PDXDC1: variants seen among roughly 807,000 people sequenced by gnomAD.
The protein encoded by PDXDC1 is pyridoxal-dependent decarboxylase domain-containing protein 1.
In PDXDC1, 42 loss-of-function variants were observed where a neutral mutation model predicts 100.1. That is an observed-to-expected ratio of 0.42 (90% CI 0.33 to 0.54). PDXDC1 has a LOEUF of 0.54. PDXDC1 is among the 20% of genes least tolerant of loss of function. The pLI, the probability that PDXDC1 is intolerant of heterozygous loss-of-function variation, is 0.10. For missense variants in PDXDC1, 636 were observed against 979.2 expected (o/e 0.65, Z 4.68); for synonymous variants, 260 against 371.7 (o/e 0.70, Z 3.46).
At chr16:15,043,332 G>A (rs148979500), downstream of PDXDC1, among the ~76,000 whole-genome samples, 293 of 152,292 alleles carry the variant, frequency 1.9e-3, no homozygotes, top group African/African-American at 5.0e-3. Flanking sequence ...CACCGTGCCC[G>A]GCCGGATATG....
At chr16:15,089,401 TGAG>T (rs1236146969) in intron 16 of PDXDC1, among the ~76,000 whole-genome samples, 5 of 151,808 alleles carry the variant, frequency 3.3e-5, no homozygotes, top group African/African-American at 1.2e-4. Flanking sequence ...TGAAGGGAGA[TGAG>T]GAGATCACAC....
At chr16:15,021,681 C>T (rs2042221114) in intron 12 of PDXDC1, among the ~76,000 whole-genome samples, 1 of 152,298 alleles carries the variant, frequency 6.6e-6, no homozygotes, top group South Asian at 2.1e-4. Flanking sequence ...TGCTGTCCTG[C>T]TGCTGACTCA....
chr16:15,134,035 G>C (rs1311459895), intron 16 of PDXDC1: 2 of 1,556,198 alleles, frequency 1.3e-6, no homozygotes, highest in African/African-American at 1.3e-5. Context: ...GTCTCATCCA[G>C]CACCAGTGTC....
At chr16:15,063,566 G>A (rs2044811788) in intron 16 of PDXDC1, among the ~76,000 whole-genome samples, 1 of 151,760 alleles carries the variant, frequency 6.6e-6, no homozygotes, top group Non-Finnish European at 1.5e-5. Context: ...AAATTAGCCG[G>A]GTGTGGTGGC....
intron 1 of PDXDC1, among the ~76,000 whole-genome samples, chr16:14,977,990 T>C (rs1967078932): frequency 6.6e-6 from 1 of 152,194 alleles, no homozygotes; most frequent in African/African-American, 2.4e-5. Flanking sequence ...CATCATTTAG[T>C]AGAATCACTC....
intron 16 of PDXDC1, chr16:15,092,559 T>C (rs1598022471): frequency 6.2e-7 from 1 of 1,613,686 alleles, no homozygotes; most frequent in East Asian, 2.2e-5. Flanking sequence ...AACCGAACAG[T>C]TTTTCTTGGG....
downstream of PDXDC1, among the ~76,000 whole-genome samples, chr16:15,142,237 C>T (rs1010689237): frequency 1.3e-5 from 2 of 152,034 alleles, no homozygotes; most frequent in Admixed American, 6.5e-5. Context: ...GACCCCAGAG[C>T]CCCCCCGCTC....
intron 1 of PDXDC1, among the ~76,000 whole-genome samples, chr16:14,980,569 TC>T (rs1286529604): frequency 6.6e-6 from 1 of 152,288 alleles, no homozygotes; most frequent in African/African-American, 2.4e-5. Context: ...CACTGCAAGC[TC>T]CACCTCCCAG....
At chr16:15,140,636 A>T (rs566299068), downstream of PDXDC1, among the ~76,000 whole-genome samples, 1 of 152,092 alleles carries the variant, frequency 6.6e-6, no homozygotes, top group African/African-American at 2.4e-5. Context: ...GGGCGGCAGC[A>T]TGTCTCTCTT....
intron 16 of PDXDC1, among the ~76,000 whole-genome samples, chr16:15,048,343 T>C (rs779654677): frequency 2.0e-5 from 3 of 152,200 alleles, no homozygotes; most frequent in Non-Finnish European, 2.9e-5. Context: ...CATAGTAACC[T>C]ATGAAATGAG....
chr16:15,093,807 C>T (rs781723142), intron 16 of PDXDC1: 10 of 372,460 alleles, frequency 2.7e-5, no homozygotes, highest in Non-Finnish European at 4.8e-5. Context: ...TGATAACCCA[C>T]ATAGCCCAGG....
chr16:15,019,686 G>A (rs561127591), intron 12 of PDXDC1, among the ~76,000 whole-genome samples: 15 of 152,388 alleles, frequency 9.8e-5, no homozygotes, highest in Admixed American at 8.5e-4. Context: ...TCTTTCAGAA[G>A]GTCACTAGTC....
At chr16:14,996,555 A>G (rs1294537112) in intron 1 of PDXDC1, among the ~76,000 whole-genome samples, 3 of 152,284 alleles carry the variant, frequency 2.0e-5, no homozygotes, top group African/African-American at 7.2e-5. Context: ...AGAGAAAGGA[A>G]AAGGAAAGGA....
intron 16 of PDXDC1, chr16:15,128,143 G>A (rs1239253170): frequency 5.6e-6 from 9 of 1,609,552 alleles, no homozygotes; most frequent in Non-Finnish European, 7.6e-6. Flanking sequence ...GCCCTGCAGA[G>A]GCGCGGGAGG....
Position 15,028,960 on chromosome 16 carries a change from T to C in PDXDC1, c.1287T>C (p.Asn429=). The C allele has an allele frequency of 6.2e-7, 1 of 1,612,800 alleles. No individual in the cohort carries two copies. Among genetic ancestry groups the C allele is most frequent in the Non-Finnish European group, 8.5e-7 (1 of 1,179,928 alleles). The part of the protein sequence containing the change: ...GRERHSCDAL[N]RWLGEQLKQL... ...AGAGGCACTCGTGTGACGCGCTGAA[T>C]CGCTGGGTGAGAATGGCAGTCACCC... Residue 429 remains asparagine (N), a synonymous_variant, in exon 15 of 23, where the codon AAT becomes AAC. Coordinates refer to ENST00000396410, the MANE Select transcript of PDXDC1 (RefSeq NM_015027.4).
chr16:15,128,807 A>ATT (rs965267518), intron 16 of PDXDC1, among the ~76,000 whole-genome samples: 2 of 140,894 alleles, frequency 1.4e-5, no homozygotes, highest in Non-Finnish European at 3.1e-5. Context: ...AGGTGACAGT[A>ATT]TTTTTTTTTT....
intron 16 of PDXDC1, among the ~76,000 whole-genome samples, chr16:15,110,042 T>C (rs2046976956): frequency 1.4e-5 from 2 of 146,884 alleles, no homozygotes; most frequent in African/African-American, 4.9e-5. Context: ...TAATCCCAGC[T>C]ACTTGGGAGG....
chr16:14,995,776 C>T (rs1372109265), intron 1 of PDXDC1, among the ~76,000 whole-genome samples: 1 of 152,262 alleles, frequency 6.6e-6, no homozygotes, highest in Non-Finnish European at 1.5e-5. Flanking sequence ...GGTCCCGGAC[C>T]TTTTTTGGTT....
In PDXDC1 at chr16:15,098,359, C is replaced by G. The variant is rs1028714337; in HGVS notation, c.1400-40520C>G. Among the ~76,000 whole-genome samples, 8 of 151,484 alleles carry G rather than the reference C, an allele frequency of 5.3e-5. 1 individual carries two copies. Among genetic ancestry groups the G allele is most frequent in the African/African-American group, 1.9e-4 (8 of 41,218 alleles). On this transcript the variant is annotated intron_variant, in intron 16 of 16. Coordinates refer to the PDXDC1 transcript ENST00000535621. The stretch of plus-strand genomic sequence containing the variant: ...GGGACTACATGTGCCCGCCACCACA[C>G]CTGGCTAATTTTTGTATTTTTAGTA...
Sources: allele counts gnomAD v4.1 joint callset (sites outside exome capture counted in the v4.1 genomes callset), GRCh38; gene constraint gnomAD v4.1.1; transcripts MANE v1.5; gene names NCBI Gene and HGNC (gene_info 2026-07-23, HGNC 2026-07-21).